The following INPP5A variants were observed in gnomAD, a reference collection of about 807,000 sequenced individuals.
INPP5A encodes the protein 43 kDa inositol polyphosphate 5-phophatase.
Under a neutral mutation model 65.2 loss-of-function variants are expected in INPP5A, and 14 were observed. That is an observed-to-expected ratio of 0.21 (90% CI 0.14 to 0.34). INPP5A has a LOEUF of 0.34. Ranked by LOEUF, INPP5A falls within the 10% of genes least tolerant of loss-of-function variation. The pLI is 1.00. For synonymous variants in INPP5A, 207 were observed against 208.3 expected, an observed-to-expected ratio of 0.99 and a Z score of 0.05; for missense variants, 431 against 545.6, an observed-to-expected ratio of 0.79 and a Z score of 2.09.
intron 9 of INPP5A, among the ~76,000 whole-genome samples, chr10:132,740,560 T>C (rs1846255237): frequency 6.6e-6 from 1 of 152,254 alleles, no homozygotes; most frequent in African/African-American, 2.4e-5. Context: ...AATGATTTCC[T>C]ATTAACTCGT....
At chr10:132,642,553 G>C (rs923480913) in intron 2 of INPP5A, among the ~76,000 whole-genome samples, 2 of 152,320 alleles carry the variant, frequency 1.3e-5, no homozygotes, top group Middle Eastern at 3.4e-3. Context: ...TTGTGATGGC[G>C]TTTGCCTACA....
rs2071406704 is a variant in INPP5A at position 132,575,827 on chromosome 10, G to A, written c.76-32088G>A. On this transcript the variant is annotated intron_variant, in intron 1 of 15. Coordinates refer to ENST00000368594, the MANE Select transcript of INPP5A (RefSeq NM_005539.5). The surrounding 1 kb of genome is among the most constrained non-coding windows in gnomAD (Gnocchi z 5.4). ...GTGTGGTCCCCTAGTGACACCGCCT[G>A]CTCTGTGGCTGTTTTCTTTCTTTAT... 6.6e-6 allele frequency among the ~76,000 whole-genome samples: 1 copy of A among 152,140 alleles called. No individual in the cohort carries two copies. The highest frequency in any genetic ancestry group is 1.5e-5 in the Non-Finnish European group (1 of 68,014).
chr10:132,741,650 G>A lies in INPP5A; in HGVS notation c.733-7867G>A, dbSNP rs373238911. Among the ~76,000 whole-genome samples the A allele has an allele frequency of 6.6e-5, 10 of 152,188 alleles. No individual in the cohort carries two copies. The highest frequency in any genetic ancestry group is 2.4e-4 in the African/African-American group (10 of 41,446). Reference sequence around the variant, plus strand: ...CCAGAACAGGATACCCCGGAATGAAGGTGGACGTTGGTATCCGCGTCCGCT... The same window carrying A: ...CCAGAACAGGATACCCCGGAATGAAAGTGGACGTTGGTATCCGCGTCCGCT... On this transcript the variant is annotated intron_variant, in intron 9 of 15. Transcript: ENST00000368594. The surrounding 1 kb of genome is among the most constrained non-coding windows in gnomAD (Gnocchi z 4.4).
intron 1 of INPP5A, among the ~76,000 whole-genome samples, chr10:132,572,323 T>C (rs986215551): frequency 4.6e-5 from 7 of 151,624 alleles, no homozygotes; most frequent in African/African-American, 1.5e-4. Flanking sequence ...AAGATGCCCC[T>C]GGTGTGGGGC....
intron 2 of INPP5A, 88 bp downstream of exon 2, chr10:132,608,044 T>C: frequency 1.6e-6 from 2 of 1,220,162 alleles, no homozygotes; most frequent in Non-Finnish European, 1.2e-6. Flanking sequence ...TGGAGTCTGG[T>C]GTGTCTATGG....
chr10:132,579,921 T>TG (rs1459582447), intron 1 of INPP5A, among the ~76,000 whole-genome samples: 1 of 151,232 alleles, frequency 6.6e-6, no homozygotes, highest in Non-Finnish European at 1.5e-5. Flanking sequence ...TTTAAAAGTT[T>TG]TTTTTTTTTT....
chr10:132,733,216 T>C (rs1228957605), intron 9 of INPP5A, among the ~76,000 whole-genome samples: 1 of 152,146 alleles, frequency 6.6e-6, no homozygotes, highest in Non-Finnish European at 1.5e-5. Context: ...TCTTAACTAG[T>C]TACACCTGCA....
intron 1 of INPP5A, among the ~76,000 whole-genome samples, chr10:132,595,521 G>C (rs185718226): frequency 3.0e-4 from 46 of 152,228 alleles, no homozygotes; most frequent in African/African-American, 1.1e-3. Context: ...CCCACATTGC[G>C]GTGTTTGTTG....
intron 9 of INPP5A, among the ~76,000 whole-genome samples, chr10:132,747,644 A>G (rs1488761107): frequency 6.6e-6 from 1 of 152,276 alleles, no homozygotes; most frequent in Non-Finnish European, 1.5e-5. Flanking sequence ...GGTGCTCCTC[A>G]GCAGCACCAG....
At chr10:132,596,152 T>C (rs2071684346) in intron 1 of INPP5A, among the ~76,000 whole-genome samples, 1 of 152,208 alleles carries the variant, frequency 6.6e-6, no homozygotes, top group African/African-American at 2.4e-5. Context: ...CTCCGAGGAC[T>C]TCTTGCCAGA....
chr10:132,552,900 A>G (rs1247074802), intron 1 of INPP5A, among the ~76,000 whole-genome samples: 58 of 113,248 alleles, frequency 5.1e-4, no homozygotes, highest in Non-Finnish European at 1.0e-3. Context: ...CATATTGGGT[A>G]GGATAGGGAG....
intron 4 of INPP5A, among the ~76,000 whole-genome samples, chr10:132,689,007 GTGCT>G (rs1452797391): frequency 6.6e-6 from 1 of 152,078 alleles, no homozygotes; most frequent in Non-Finnish European, 1.5e-5. Context: ...GTGCCTGTGA[GTGCT>G]TGTGCGTGAG....
At chr10:132,679,287 T>G (rs990184983) in intron 4 of INPP5A, among the ~76,000 whole-genome samples, 10 of 152,138 alleles carry the variant, frequency 6.6e-5, no homozygotes, top group African/African-American at 2.4e-4. Flanking sequence ...TCTGGAGAGA[T>G]CCGTGGTTTC....
In INPP5A at chr10:132,727,454, T is replaced by A. The variant is rs547746975; in HGVS notation, c.732+549T>A. Reference sequence around the variant, plus strand: ...CAGGGGTCCAGGGTGCTCCTGGGTGTGCTTTCGGGCTGGCCGGGGACCAGC... The same window carrying A: ...CAGGGGTCCAGGGTGCTCCTGGGTGAGCTTTCGGGCTGGCCGGGGACCAGC... On this transcript the variant is annotated intron_variant, in intron 9 of 15. Coordinates refer to ENST00000368594, the MANE Select transcript of INPP5A (RefSeq NM_005539.5). This position sits in a 1 kb window ranked among gnomAD's most constrained non-coding sequence, Gnocchi z 6.5. 1.3e-5 allele frequency: 2 copies of A among 152,214 alleles called. No individual in the cohort carries two copies. The highest frequency in any genetic ancestry group is 4.8e-5 in the African/African-American group (2 of 41,390). The allele number at this position is 152,214 out of a possible 1,614,324, so 9.4% of individuals were successfully genotyped here. A position where few individuals can be genotyped will look rare whatever the true frequency, so the allele number is the denominator to read the frequency against.
intron 9 of INPP5A, among the ~76,000 whole-genome samples, chr10:132,739,271 G>C (rs1471168565): frequency 1.0e-5 from 1 of 99,520 alleles, no homozygotes; most frequent in Non-Finnish European, 2.5e-5. Context: ...ACGTGCCCCC[G>C]AGGAAGGGTC....
intron 3 of INPP5A, among the ~76,000 whole-genome samples, chr10:132,646,208 C>T (rs1364128305): frequency 6.6e-6 from 1 of 152,208 alleles, no homozygotes; most frequent in Non-Finnish European, 1.5e-5. Flanking sequence ...CGGCGAGGGT[C>T]TGTGCTCTCG....
Position 132,745,592 on chromosome 10 carries a change from G to A in INPP5A, c.733-3925G>A, listed in dbSNP as rs182255928. Among the ~76,000 whole-genome samples the A allele has an allele frequency of 7.2e-5, 11 of 152,330 alleles. No individual in the cohort carries two copies. The East Asian group carries it at 2.1e-3, about 29-fold the overall frequency. On this transcript the variant is annotated intron_variant, in intron 9 of 15. Transcript: ENST00000368594. ...ACTGGCCCCAGCCCGGGCCTCGGGT[G>A]TGGTGGGCCCACAGTGTGTCAGACC...
At position 132,697,699 on chromosome 10, in the gene INPP5A, CG is replaced by C. The variant is rs979062960; in HGVS notation, c.371-111del. 1 of 706,528 alleles carries C rather than the reference CG, an allele frequency of 1.4e-6. No individual in the cohort carries two copies. Among genetic ancestry groups the C allele is most frequent in the Non-Finnish European group, 2.5e-6 (1 of 400,938 alleles). 43.8% of individuals were successfully genotyped at this position (706,528 alleles called of 1,614,324 possible). On this transcript the variant is annotated intron_variant, in intron 5 of 15. Transcript: ENST00000368594. This position sits in a 1 kb window ranked among gnomAD's most constrained non-coding sequence, Gnocchi z 5.6. The stretch of plus-strand genomic sequence containing the variant: ...CGGACCCCTCATCAGGGCCTCCTCT[CG>C]GGGGGCCTCTCTGGCTCCCATCGGG...
intron 9 of INPP5A, among the ~76,000 whole-genome samples, chr10:132,732,474 A>G (rs754738899): frequency 1.3e-5 from 2 of 152,232 alleles, no homozygotes; most frequent in African/African-American, 2.4e-5. Context: ...TGTTCAGTCA[A>G]GGGAGGGCCA....
Sources: gnomAD v4.1 joint callset for allele counts (sites outside exome capture counted in the v4.1 genomes callset) on GRCh38, gnomAD v4.1.1 for gene constraint, Gnocchi (gnomAD v3.1) non-coding constraint, MANE v1.5 for transcripts, NCBI Gene and HGNC (gene_info 2026-07-23, HGNC 2026-07-21) for gene names.